Variants in UGT8 observed in about 807,000 individuals in gnomAD.
UGT8 encodes 2-hydroxyacylsphingosine 1-beta-galactosyltransferase.
In UGT8, 12 loss-of-function variants were observed where a neutral mutation model predicts 40.5. The observed-to-expected ratio is 0.30, with a 90% CI of 0.19 to 0.48. The LOEUF (loss-of-function observed/expected upper bound fraction) is 0.48. Among genes scored for constraint, UGT8 ranks in the 20% least tolerant of loss-of-function variants. The pLI is 0.99. For synonymous variants in UGT8, 224 were observed against 240.4 expected (o/e 0.93, Z 0.63); for missense variants, 513 against 648.7 (o/e 0.79, Z 2.27).
intron 2 of UGT8, among the ~76,000 whole-genome samples, chr4:114,661,731 G>A (rs1344340122): frequency 3.9e-5 from 6 of 152,096 alleles, no homozygotes; most frequent in Non-Finnish European, 7.4e-5. Context: ...CTCTAACTCA[G>A]GAAATAGGAG....
At chr4:114,667,734 G>A (rs1366098776) in intron 4 of UGT8, 1 of 285,300 alleles carries the variant, frequency 3.5e-6, no homozygotes, top group Non-Finnish European at 5.3e-6. Context: ...GAAAGTAGAT[G>A]TCTGTTTTTT....
intron 1 of UGT8, among the ~76,000 whole-genome samples, chr4:114,608,509 C>T (rs1017885787): frequency 6.6e-6 from 1 of 152,034 alleles, no homozygotes; most frequent in South Asian, 2.1e-4. Context: ...ATCATTCAAA[C>T]TTGAAACATT....
intron 5 of UGT8, among the ~76,000 whole-genome samples, chr4:114,673,238 C>T (rs1735411950): frequency 6.6e-6 from 1 of 152,124 alleles, no homozygotes; most frequent in South Asian, 2.1e-4. Flanking sequence ...GTAAAATAAA[C>T]TATGCTCATG....
intron 2 of UGT8, among the ~76,000 whole-genome samples, chr4:114,641,477 T>A (rs1733217950): frequency 1.3e-5 from 2 of 152,210 alleles, no homozygotes; most frequent in Non-Finnish European, 1.5e-5. Context: ...ATGTTAGACC[T>A]AGAAAATTTT....
At chr4:114,616,085 T>C (rs1198134875) in intron 1 of UGT8, among the ~76,000 whole-genome samples, 1 of 152,130 alleles carries the variant, frequency 6.6e-6, no homozygotes, top group Non-Finnish European at 1.5e-5. Flanking sequence ...CGTTCTCAGA[T>C]CTCCAGCTGC....
At position 114,598,943 on chromosome 4, in the gene UGT8, C is replaced by G. The variant is rs1443239227; in HGVS notation, c.-34C>G. 1.3e-5 allele frequency: 2 copies of G among 152,252 alleles called. No homozygotes were observed. Among genetic ancestry groups the G allele is most frequent in the Non-Finnish European group, 2.9e-5 (2 of 68,224 alleles). The allele number at this position is 152,252 out of a possible 1,614,324, so 9.4% of individuals were successfully genotyped here. On this transcript the variant is annotated 5_prime_UTR_variant, in exon 1 of 6. Coordinates refer to ENST00000310836, the MANE Select transcript of UGT8 (RefSeq NM_001128174.3). ...GATACAATTACGCGGCAGACACACA[C>G]TCAAACTCGCGCGGGGCAGCCAAGA...
chr4:114,656,750 G>T (rs763368699), intron 2 of UGT8: 23 of 511,620 alleles, frequency 4.5e-5, no homozygotes, highest in South Asian at 3.4e-4. Flanking sequence ...ACCCAAGGCA[G>T]GCTGTATTTG....
intron 1 of UGT8, among the ~76,000 whole-genome samples, chr4:114,609,806 C>T (rs1730939728): frequency 1.3e-5 from 2 of 152,138 alleles, no homozygotes; most frequent in Admixed American, 6.6e-5. Flanking sequence ...TCTACCCCTA[C>T]TACTCCATCC....
At position 114,668,310 on chromosome 4, in the gene UGT8, G is replaced by C; in HGVS notation, c.1262+6G>C. 1 of 1,612,356 alleles carries C rather than the reference G, an allele frequency of 6.2e-7. No homozygotes were observed. The highest frequency in any genetic ancestry group is 8.5e-7 in the Non-Finnish European group (1 of 1,178,760). On this transcript the variant is annotated splice_donor_region_variant and intron_variant, in intron 5 of 5. Coordinates refer to ENST00000310836, the MANE Select transcript of UGT8 (RefSeq NM_001128174.3). ...AAGGTTATCAATAATCCCAGGTAAG[G>C]TTTCAATTAACATTAAAGCTGATGA...
At chr4:114,651,323 T>C (rs1733884992) in intron 2 of UGT8, among the ~76,000 whole-genome samples, 1 of 152,146 alleles carries the variant, frequency 6.6e-6, no homozygotes, top group Admixed American at 6.6e-5. Context: ...TACGATTGGC[T>C]CTTTCCATTT....
chr4:114,641,631 G>T (rs1490295831), intron 2 of UGT8, among the ~76,000 whole-genome samples: 2 of 152,090 alleles, frequency 1.3e-5, no homozygotes, highest in Non-Finnish European at 2.9e-5. Context: ...GATATTTATT[G>T]ATTCATAAAG....
intron 1 of UGT8, among the ~76,000 whole-genome samples, chr4:114,600,365 G>T (rs991868874): frequency 7.2e-5 from 11 of 152,062 alleles, no homozygotes; most frequent in Non-Finnish European, 1.5e-4. Flanking sequence ...AGGGAGTTTG[G>T]CTAGATGCCA....
At chr4:114,649,855 T>C (rs1179232374) in intron 2 of UGT8, among the ~76,000 whole-genome samples, 1 of 152,072 alleles carries the variant, frequency 6.6e-6, no homozygotes, top group Non-Finnish European at 1.5e-5. Context: ...TAAAATTTCA[T>C]CTTATGTCTT....
chr4:114,640,116 C>T lies in UGT8; in HGVS notation c.822+16414C>T, dbSNP rs1461045503. Among the ~76,000 whole-genome samples the T allele has an allele frequency of 2.6e-4, 39 of 151,292 alleles. 1 individual carries two copies. Among genetic ancestry groups the T allele is most frequent in the Admixed American group, 2.4e-3 (36 of 15,216 alleles). On this transcript the variant is annotated intron_variant, in intron 2 of 5. Transcript: ENST00000310836. ...CGCGATCTCGGCTCACTGCAAGCTC[C>T]GCCTCCCGGGTTCACGCCATTCTCC...
chr4:114,641,991 C>T (rs1250611336), intron 2 of UGT8, among the ~76,000 whole-genome samples: 1 of 151,972 alleles, frequency 6.6e-6, no homozygotes, highest in Non-Finnish European at 1.5e-5. Flanking sequence ...TGGAAATTTA[C>T]ATTAAAGGGA....
At chr4:114,600,658 A>G (rs1384689010) in intron 1 of UGT8, among the ~76,000 whole-genome samples, 1 of 152,166 alleles carries the variant, frequency 6.6e-6, no homozygotes, top group Non-Finnish European at 1.5e-5. Flanking sequence ...CCAATATTTT[A>G]ATAGTGTTAA....
At chr4:114,653,864 T>C (rs777076940) in intron 2 of UGT8, among the ~76,000 whole-genome samples, 1 of 152,102 alleles carries the variant, frequency 6.6e-6, no homozygotes, top group African/African-American at 2.4e-5. Flanking sequence ...TATGAACTTC[T>C]GAGGAGGAAA....
chr4:114,629,676 A>G (rs1183862277), intron 2 of UGT8, among the ~76,000 whole-genome samples: 1 of 152,230 alleles, frequency 6.6e-6, no homozygotes, highest in Admixed American at 6.5e-5. Context: ...TTAACTGTTC[A>G]GTTCACTGAT....
At chr4:114,626,799 A>G (rs1732250189) in intron 2 of UGT8, among the ~76,000 whole-genome samples, 1 of 152,208 alleles carries the variant, frequency 6.6e-6, no homozygotes, top group African/African-American at 2.4e-5. Context: ...TGTGTATAAA[A>G]CCATGCAGAG....
Sources: gnomAD v4.1 joint callset for allele counts (sites outside exome capture counted in the v4.1 genomes callset) on GRCh38, gnomAD v4.1.1 for gene constraint, MANE v1.5 for transcripts, NCBI Gene and HGNC (gene_info 2026-07-23, HGNC 2026-07-21) for gene names.